The following BCL2L1 variants were observed in gnomAD, a reference collection of about 807,000 sequenced individuals.
BCL2L1 encodes bcl-2-like protein 1.
In BCL2L1, 1 loss-of-function variant was observed where a neutral mutation model predicts 18.7. That is an observed-to-expected ratio of 0.05 (90% confidence interval 0.02 to 0.25). The LOEUF (loss-of-function observed/expected upper bound fraction) is 0.25. Ranked by LOEUF, BCL2L1 falls within the 10% of genes least tolerant of loss-of-function variation. The pLI, the probability that BCL2L1 is intolerant of heterozygous loss-of-function variation, is 1.00. For missense variants in BCL2L1, 207 were observed against 304.9 expected (o/e 0.68, Z 2.39); for synonymous variants, 103 against 122.7 (o/e 0.84, Z 1.06).
intron 2 of BCL2L1, among the ~76,000 whole-genome samples, chr20:31,693,141 C>G (rs2061109556): frequency 7.3e-6 from 1 of 137,784 alleles, no homozygotes; most frequent in Non-Finnish European, 1.5e-5. Context: ...GGAATATATA[C>G]CTATATATAT....
chr20:31,711,573 C>T (rs2061453547), intron 2 of BCL2L1, among the ~76,000 whole-genome samples: 1 of 152,204 alleles, frequency 6.6e-6, no homozygotes, highest in African/African-American at 2.4e-5. Flanking sequence ...GCATTTAGCA[C>T]ATTACAAAGC....
At chr20:31,723,366 C>G, upstream of BCL2L1, 1 of 985,448 alleles carries the variant, frequency 1.0e-6, no homozygotes, top group Non-Finnish European at 1.2e-6. Flanking sequence ...GAAGAGGGGT[C>G]GAGGCCTGCT....
At chr20:31,706,022 C>T (rs980213103) in intron 2 of BCL2L1, among the ~76,000 whole-genome samples, 25 of 152,264 alleles carry the variant, frequency 1.6e-4, no homozygotes, top group Admixed American at 1.2e-3. Context: ...CTGGGACTTC[C>T]CTGACATGGT....
chr20:31,701,531 C>T (rs2061277251), intron 2 of BCL2L1, among the ~76,000 whole-genome samples: 2 of 152,176 alleles, frequency 1.3e-5, no homozygotes, highest in Admixed American at 6.5e-5. Flanking sequence ...CCCTTAGCTA[C>T]ATTATCCTTT....
intron 2 of BCL2L1, among the ~76,000 whole-genome samples, chr20:31,718,245 T>G (rs2061569678): frequency 6.6e-6 from 1 of 152,200 alleles, no homozygotes; most frequent in Admixed American, 6.5e-5. Flanking sequence ...GTCTACACTT[T>G]CAGTCCTTGA....
rs2122878497 is a variant in BCL2L1 at position 31,722,041 on chromosome 20, C to T, written c.178G>A (p.Ala60Thr). The part of the protein sequence containing the change: ...AINGNPSWHL[A>T]DSPAVNGATG... ...GCTCCATTCACCGCGGGGCTGTCTG[C>T]CAGGTGCCAGGATGGGTTGCCATTG... is the stretch of plus-strand genomic sequence containing the variant. Residue 60 changes from alanine (A) to threonine (T), a missense_variant, in exon 2 of 3, where the codon GCA becomes ACA. Coordinates refer to ENST00000307677, the MANE Select transcript of BCL2L1 (RefSeq NM_138578.3). 6.2e-7 allele frequency: 1 copy of T among 1,608,342 alleles called. No individual in the cohort carries two copies. Among genetic ancestry groups the T allele is most frequent in the South Asian group, 1.1e-5 (1 of 90,098 alleles).
chr20:31,667,413 A>G (rs2060603805), intron 2 of BCL2L1, among the ~76,000 whole-genome samples: 1 of 151,670 alleles, frequency 6.6e-6, no homozygotes, highest in Non-Finnish European at 1.5e-5. Context: ...GTGAGCAGAA[A>G]TCGCACCACA....
chr20:31,669,991 C>T (rs914351473), intron 2 of BCL2L1, among the ~76,000 whole-genome samples: 2 of 152,160 alleles, frequency 1.3e-5, no homozygotes, highest in Admixed American at 6.5e-5. Context: ...ATAGCAGAGT[C>T]GGGATCAAAC....
chr20:31,670,486 G>C (rs1303569073), intron 2 of BCL2L1, among the ~76,000 whole-genome samples: 2 of 152,202 alleles, frequency 1.3e-5, no homozygotes, highest in African/African-American at 4.8e-5. Flanking sequence ...GAAATTTTCA[G>C]CTCTGGGGCT....
intron 2 of BCL2L1, among the ~76,000 whole-genome samples, chr20:31,698,893 AG>A: frequency 6.6e-6 from 1 of 152,104 alleles, no homozygotes; most frequent in African/African-American, 2.4e-5. Context: ...TATCTCCAAT[AG>A]TGTGGTGGCT....
At position 31,666,099 on chromosome 20, in the gene BCL2L1, AGAAG is replaced by A. The variant is rs1394459518; in HGVS notation, c.565-17_565-14del. Reference sequence around the variant, plus strand: ...CCACAAAAGTATCCTGCAGGGAGAGAGAAGGAAGGTGCAGTTTTAGTCCTCAGAG... The same window carrying A: ...CCACAAAAGTATCCTGCAGGGAGAGAGAAGGTGCAGTTTTAGTCCTCAGAG... On this transcript the variant is annotated splice_polypyrimidine_tract_variant and intron_variant, in intron 2 of 2. Transcript: ENST00000307677. 1.2e-6 allele frequency: 2 copies of A among 1,613,630 alleles called. No individual in the cohort carries two copies. The highest frequency in any genetic ancestry group is 1.7e-6 in the Non-Finnish European group (2 of 1,179,838).
At chr20:31,702,735 C>T (rs2061299588) in intron 2 of BCL2L1, among the ~76,000 whole-genome samples, 1 of 151,534 alleles carries the variant, frequency 6.6e-6, no homozygotes, top group Non-Finnish European at 1.5e-5. Flanking sequence ...TGGTCTCGAA[C>T]CCCCAACCTC....
intron 2 of BCL2L1, among the ~76,000 whole-genome samples, chr20:31,667,862 A>C (rs1600743124): frequency 6.6e-6 from 1 of 152,274 alleles, no homozygotes; most frequent in African/African-American, 2.4e-5. Context: ...AATTTGACTG[A>C]AGGAATCCTC....
intron 2 of BCL2L1, among the ~76,000 whole-genome samples, chr20:31,701,924 G>A (rs1445891766): frequency 2.0e-5 from 3 of 152,168 alleles, no homozygotes; most frequent in Non-Finnish European, 2.9e-5. Context: ...ATACAATGAT[G>A]AACAAACCAA....
chr20:31,690,901 C>T (rs145469972), intron 2 of BCL2L1, among the ~76,000 whole-genome samples: 4,847 of 152,020 alleles, frequency 0.032, 114 homozygotes, highest in Admixed American at 0.08. Context: ...GTAATCCCAG[C>T]ACTTTGGGAG....
chr20:31,717,303 G>GAT (rs2061551899), intron 2 of BCL2L1, among the ~76,000 whole-genome samples: 1 of 152,190 alleles, frequency 6.6e-6, no homozygotes, highest in Admixed American at 6.5e-5. Context: ...AAGGGACAGA[G>GAT]ATAACAACTG....
chr20:31,720,414 A>G (rs1043507589), intron 2 of BCL2L1: 27 of 579,846 alleles, frequency 4.7e-5, no homozygotes, highest in Non-Finnish European at 5.7e-5. Flanking sequence ...GCTTTTCTGC[A>G]TACTCTGAGG....
At chr20:31,697,892 G>GTTTTTTTTTTTTTGATTGTTTGTTT (rs2061205702) in intron 2 of BCL2L1, among the ~76,000 whole-genome samples, 1 of 129,640 alleles carries the variant, frequency 7.7e-6, no homozygotes, top group Admixed American at 7.4e-5. Flanking sequence ...TGCTGTTGCT[G>GTTTTTTTTTTTTTGATTGTTTGTTT]TTTTTTTTTT....
intron 2 of BCL2L1, among the ~76,000 whole-genome samples, chr20:31,698,697 C>T (rs1374260129): frequency 2.0e-5 from 3 of 152,070 alleles, no homozygotes; most frequent in East Asian, 1.9e-4. Flanking sequence ...AAACACCACA[C>T]CCGGCTAATT....
Sources: allele counts gnomAD v4.1 joint callset (sites outside exome capture counted in the v4.1 genomes callset), GRCh38; gene constraint gnomAD v4.1.1; transcripts MANE v1.5; gene names NCBI Gene and HGNC (gene_info 2026-07-23, HGNC 2026-07-21).